JAKMIP3: variants seen among roughly 807,000 people sequenced by gnomAD.
JAKMIP3 encodes the protein Janus kinase and microtubule interacting protein 3.
JAKMIP3 carries 58 observed loss-of-function variants against 118.5 expected under a neutral mutation model. The ratio of observed to expected loss-of-function variants is 0.49; its 90% CI spans 0.40 to 0.61. The LOEUF is 0.61. JAKMIP3 is among the 20% of genes least tolerant of loss of function. The pLI is 0.00. For missense variants in JAKMIP3, 950 were observed against 1,109.0 expected, an observed-to-expected ratio of 0.86 and a Z score of 2.04; for synonymous variants, 486 against 451.2, an observed-to-expected ratio of 1.08 and a Z score of -0.98.
At chr10:132,115,528 G>A (rs1287519967) in intron 2 of JAKMIP3, among the ~76,000 whole-genome samples, 1 of 152,200 alleles carries the variant, frequency 6.6e-6, no homozygotes, top group Admixed American at 6.5e-5. Flanking sequence ...ATTACGGCTG[G>A]TTTGAAATGG....
rs1252104198 is a variant in JAKMIP3, at chr10:132,180,682, C to CGT, written c.*1104-1667_*1104-1666dup. Among the ~76,000 whole-genome samples, 6 of 5,502 alleles carry CGT rather than the reference C, an allele frequency of 1.1e-3. 2 individuals carry two copies. The highest frequency in any genetic ancestry group is 4.0e-3 in the Admixed American group (2 of 496). The allele number at this position is 5,502 out of a possible 152,430, so 3.6% of individuals were successfully genotyped here. On this transcript the variant is annotated intron_variant, in intron 23 of 23. Coordinates refer to ENST00000684848, the MANE Select transcript of JAKMIP3 (RefSeq NM_001323087.2). The stretch of plus-strand genomic sequence containing the variant: ...GCGTGTGTGCGTGTGTGTGCGCGCG[C>CGT]GTGTGTGTGCGTGCGTGTGTGTGTG...
intron 9 of JAKMIP3, among the ~76,000 whole-genome samples, chr10:132,138,421 G>A (rs1204927577): frequency 3.5e-5 from 5 of 144,208 alleles, no homozygotes; most frequent in Admixed American, 6.9e-5. Flanking sequence ...GGGGTGCGCC[G>A]GTGTATGTGG....
In JAKMIP3 at chr10:132,154,411, G is replaced by C. The variant is rs367898604; in HGVS notation, c.2220+421G>C. Reference sequence around the variant, plus strand: ...GCTCACTAGTGGGAGGTGTGGTCTTGTTCTATTTCATCTGGTGTGGCTGGG... The same window carrying C: ...GCTCACTAGTGGGAGGTGTGGTCTTCTTCTATTTCATCTGGTGTGGCTGGG... On this transcript the variant is annotated intron_variant, in intron 19 of 23. Transcript: ENST00000684848. Among the ~76,000 whole-genome samples the C allele has an allele frequency of 9.1e-4, 139 of 152,316 alleles. 1 individual carries two copies. The highest frequency in any genetic ancestry group is 3.2e-3 in the African/African-American group (135 of 41,578).
At chr10:132,137,187 G>A (rs1206438851) in intron 7 of JAKMIP3, 37 bp downstream of exon 7, 2 of 1,613,892 alleles carry the variant, frequency 1.2e-6, no homozygotes, top group Non-Finnish European at 1.7e-6. Context: ...CCCGTCCTCT[G>A]GCTCCCAAGG....
rs550458365 is a variant in JAKMIP3 at position 132,179,478 on chromosome 10, G to A, written c.*1104-2879G>A. Among the ~76,000 whole-genome samples, 7 of 152,204 alleles carry A rather than the reference G, an allele frequency of 4.6e-5. No homozygotes were observed. The highest frequency in any genetic ancestry group is 1.3e-4 in the Admixed American group (2 of 15,298). On this transcript the variant is annotated intron_variant, in intron 23 of 23. Transcript: ENST00000684848. The surrounding 1 kb of genome is among the most constrained non-coding windows in gnomAD (Gnocchi z 4.3). Reference sequence around the variant, plus strand: ...TGAGGATTATCTGGGTTTCTCCCGCGGAACCCTTACTGTGGCACTGATACA... The same window carrying A: ...TGAGGATTATCTGGGTTTCTCCCGCAGAACCCTTACTGTGGCACTGATACA...
At chr10:132,125,461 A>G (rs1340042577) in intron 3 of JAKMIP3, among the ~76,000 whole-genome samples, 4 of 152,242 alleles carry the variant, frequency 2.6e-5, no homozygotes, top group Non-Finnish European at 2.9e-5. Flanking sequence ...ACCACGTCTT[A>G]GTTCCGACAC....
At chr10:132,092,028 T>C (rs1168286451) in intron 1 of JAKMIP3, among the ~76,000 whole-genome samples, 1 of 151,664 alleles carries the variant, frequency 6.6e-6, no homozygotes, top group Non-Finnish European at 1.5e-5. Flanking sequence ...CCTTCACTTA[T>C]GAAGCTTAGT....
At position 132,180,734 on chromosome 10, in the gene JAKMIP3, T is replaced by TGCGC. The variant is rs1343608315; in HGVS notation, c.*1104-1622_*1104-1621insCGCG. Among the ~76,000 whole-genome samples the TGCGC allele has an allele frequency of 2.4e-4, 3 of 12,666 alleles. 1 individual carries two copies. The highest frequency in any genetic ancestry group is 1.2e-3 in the African/African-American group (3 of 2,490). 8.3% of individuals were successfully genotyped at this position (12,666 alleles called of 152,430 possible). A position where few individuals can be genotyped will look rare whatever the true frequency, so the allele number is the denominator to read the frequency against. On this transcript the variant is annotated intron_variant, in intron 23 of 23. Transcript: ENST00000684848. ...GCGTGTGTGTGCGTGTGTGTGCGTG[T>TGCGC]GTGCGTGCGTGCGCGCGCGTGTGTG...
intron 2 of JAKMIP3, among the ~76,000 whole-genome samples, chr10:132,109,993 G>A (rs1433298189): frequency 6.6e-6 from 1 of 152,182 alleles, no homozygotes; most frequent in Non-Finnish European, 1.5e-5. Context: ...ACAACCCCAG[G>A]ACAGGATTCT....
rs371917356 is a variant in JAKMIP3, at chr10:132,038,099, C to G, written c.-138+1361C>G. Among the ~76,000 whole-genome samples, 8 of 152,368 alleles carry G rather than the reference C, an allele frequency of 5.3e-5. No homozygotes were observed. In the South Asian group the frequency reaches 1.2e-3, roughly 24 times the overall value. ...AGTAGGATTTTTCAAGCAAATTGAT[C>G]TGTCCATGGACAAGCTTCCTGTTTT... On this transcript the variant is annotated intron_variant, in intron 1 of 23. Coordinates refer to the JAKMIP3 transcript ENST00000657785.
intron 1 of JAKMIP3, among the ~76,000 whole-genome samples, chr10:132,048,488 T>C (rs528812055): frequency 1.3e-5 from 2 of 152,302 alleles, no homozygotes; most frequent in Admixed American, 1.3e-4. Context: ...TAAAATCCGG[T>C]AATGACAATA....
At chr10:132,059,171 A>G (rs2038326237) in intron 1 of JAKMIP3, among the ~76,000 whole-genome samples, 1 of 152,220 alleles carries the variant, frequency 6.6e-6, no homozygotes, top group Non-Finnish European at 1.5e-5. Flanking sequence ...AACTTCCTGC[A>G]GATGGAGAGG....
chr10:132,078,965 C>T (rs1028587222), intron 1 of JAKMIP3, among the ~76,000 whole-genome samples: 7 of 152,216 alleles, frequency 4.6e-5, no homozygotes, highest in Admixed American at 3.9e-4. Flanking sequence ...TCAGGCGCAG[C>T]GCAGGGCTGG....
At chr10:132,100,219 C>T (rs2044628417) in intron 1 of JAKMIP3, among the ~76,000 whole-genome samples, 1 of 148,066 alleles carries the variant, frequency 6.8e-6, no homozygotes, top group Admixed American at 6.7e-5. Context: ...GACCCGCTCC[C>T]ACCCCGTTGG....
intron 19 of JAKMIP3, among the ~76,000 whole-genome samples, chr10:132,154,828 A>C (rs749445895): frequency 1.9e-5 from 2 of 105,728 alleles, no homozygotes; most frequent in Non-Finnish European, 4.1e-5. Flanking sequence ...TGGCAATGGC[A>C]ATGGTGATGG....
At chr10:132,073,365 T>G (rs1285134087) in intron 1 of JAKMIP3, among the ~76,000 whole-genome samples, 2 of 152,138 alleles carry the variant, frequency 1.3e-5, no homozygotes, top group African/African-American at 2.4e-5. Context: ...TTTTGTATTT[T>G]CAGTAGAGAC....
At chr10:132,130,592 G>A (rs535432998) in intron 3 of JAKMIP3, among the ~76,000 whole-genome samples, 8 of 152,350 alleles carry the variant, frequency 5.3e-5, no homozygotes, top group African/African-American at 1.2e-4. Context: ...TGGGCCCTGG[G>A]TCAGGAGACC....
chr10:132,164,536 C>T, intron 20 of JAKMIP3, 134 bp from the exon 21 acceptor site: 1 of 653,078 alleles, frequency 1.5e-6, no homozygotes, highest in Non-Finnish European at 2.7e-6. Flanking sequence ...GTGTCCTCGT[C>T]AGGAGCCACG....
chr10:132,145,396 T>C, intron 12 of JAKMIP3, 122 bp from the exon 13 acceptor site: 1 of 1,039,932 alleles, frequency 9.6e-7, no homozygotes, highest in Non-Finnish European at 1.4e-6. Context: ...GTATTTTTTG[T>C]AGAGACGGGG....
Sources: gnomAD v4.1 joint callset for allele counts (sites outside exome capture counted in the v4.1 genomes callset) on GRCh38, gnomAD v4.1.1 for gene constraint, Gnocchi (gnomAD v3.1) non-coding constraint, MANE v1.5 for transcripts, NCBI Gene and HGNC (gene_info 2026-07-23, HGNC 2026-07-21) for gene names.